Variants in TXNDC16 observed in about 807,000 individuals in gnomAD.
The protein encoded by TXNDC16 is thioredoxin domain-containing protein 16.
Under a neutral mutation model 85.6 loss-of-function variants are expected in TXNDC16, and 74 were observed. The observed-to-expected ratio is 0.86, with a 90% CI of 0.72 to 1.05. The LOEUF (loss-of-function observed/expected upper bound fraction) is 1.05. Ranked by LOEUF, TXNDC16 falls within the 50% of genes least tolerant of loss-of-function variation. The probability of loss-of-function intolerance (pLI) is 0.00; values close to 1 mark genes in which losing one functional copy is unlikely to be tolerated. For synonymous variants in TXNDC16, 335 were observed against 326.5 expected (o/e 1.03, Z -0.28); for missense variants, 959 against 947.0 (o/e 1.01, Z -0.17).
At chr14:52,434,983 G>A (rs545134144) in intron 20 of TXNDC16, among the ~76,000 whole-genome samples, 4 of 152,208 alleles carry the variant, frequency 2.6e-5, no homozygotes, top group Non-Finnish European at 5.9e-5. Context: ...TTTCCTCTGG[G>A]TAATGGTTTG....
At chr14:52,438,758 T>C (rs1213623991) in intron 20 of TXNDC16, among the ~76,000 whole-genome samples, 1 of 152,238 alleles carries the variant, frequency 6.6e-6, no homozygotes, top group Non-Finnish European at 1.5e-5. Flanking sequence ...CCTCATTTTC[T>C]ATAAAACCAC....
At chr14:52,517,526 G>T (rs866613397) in intron 7 of TXNDC16, among the ~76,000 whole-genome samples, 1 of 151,820 alleles carries the variant, frequency 6.6e-6, no homozygotes, top group East Asian at 1.9e-4. Flanking sequence ...ACCAAAAAAC[G>T]TTTATAAACT....
At chr14:52,464,614 A>AT (rs200372521) in intron 16 of TXNDC16, among the ~76,000 whole-genome samples, 5 of 150,924 alleles carry the variant, frequency 3.3e-5, no homozygotes, top group South Asian at 2.1e-4. Context: ...TTTCATAAAA[A>AT]TTTTTTTTTT....
chr14:52,478,044 A>C (rs977657178), intron 14 of TXNDC16, among the ~76,000 whole-genome samples: 1 of 152,168 alleles, frequency 6.6e-6, no homozygotes, highest in Non-Finnish European at 1.5e-5. Flanking sequence ...AACCATGCAA[A>C]TACATGGAAA....
intron 9 of TXNDC16, among the ~76,000 whole-genome samples, chr14:52,491,257 T>C (rs1436927205): frequency 2.6e-5 from 4 of 151,830 alleles, no homozygotes; most frequent in African/African-American, 7.3e-5. Context: ...TCACAGCTCA[T>C]TGTAGCCTTA....
chr14:52,546,881 G>A (rs1046726433), intron 1 of TXNDC16, among the ~76,000 whole-genome samples: 2 of 152,210 alleles, frequency 1.3e-5, no homozygotes, highest in Admixed American at 6.5e-5. Context: ...AGAGACTGGA[G>A]CTAAGCAAGT....
chr14:52,463,014 G>A (rs1473067642), intron 16 of TXNDC16: 1 of 453,906 alleles, frequency 2.2e-6, no homozygotes, highest in Non-Finnish European at 4.4e-6. Context: ...GAACACAAAA[G>A]TCCCTGCAAA....
At chr14:52,551,603 G>A (rs1396213530) in intron 1 of TXNDC16, among the ~76,000 whole-genome samples, 2 of 151,494 alleles carry the variant, frequency 1.3e-5, no homozygotes, top group Non-Finnish European at 2.9e-5. Flanking sequence ...GTATTCTAAA[G>A]AAAACAAATT....
intron 17 of TXNDC16, 72 bp downstream of exon 17, chr14:52,457,018 A>G: frequency 9.2e-7 from 1 of 1,084,416 alleles, no homozygotes; most frequent in Non-Finnish European, 1.4e-6. Context: ...CTGTGTAAAT[A>G]TAAGCAATTA....
chr14:52,520,361 A>C (rs557175581), intron 6 of TXNDC16, among the ~76,000 whole-genome samples: 5 of 152,300 alleles, frequency 3.3e-5, no homozygotes, highest in South Asian at 4.1e-4. Context: ...CAGTGGCTCA[A>C]GCCTGTAATC....
chr14:52,505,708 C>G (rs1017186581), intron 9 of TXNDC16, among the ~76,000 whole-genome samples: 2 of 152,114 alleles, frequency 1.3e-5, no homozygotes. Context: ...CAAGAAATAA[C>G]TAAGATCAGA....
At chr14:52,452,428 A>T (rs757336482) in intron 18 of TXNDC16, among the ~76,000 whole-genome samples, 32 of 152,342 alleles carry the variant, frequency 2.1e-4, no homozygotes, top group Middle Eastern at 3.4e-3. Flanking sequence ...CCTGACATCA[A>T]ATTATACTAT....
chr14:52,459,669 A>G (rs896524667), intron 16 of TXNDC16, among the ~76,000 whole-genome samples: 1 of 152,206 alleles, frequency 6.6e-6, no homozygotes, highest in Non-Finnish European at 1.5e-5. Flanking sequence ...AAAATCCTCA[A>G]CAAAGTATGC....
At chr14:52,484,843 T>C (rs1029542888) in intron 12 of TXNDC16, among the ~76,000 whole-genome samples, 1 of 151,938 alleles carries the variant, frequency 6.6e-6, no homozygotes, top group Non-Finnish European at 1.5e-5. Context: ...ATTGCACCGC[T>C]GCACTCCAGC....
intron 18 of TXNDC16, among the ~76,000 whole-genome samples, chr14:52,447,953 A>T (rs930670751): frequency 6.6e-6 from 1 of 151,958 alleles, no homozygotes; most frequent in African/African-American, 2.4e-5. Flanking sequence ...AGCAGAAGAA[A>T]GAATTACTGA....
intron 14 of TXNDC16, among the ~76,000 whole-genome samples, chr14:52,481,954 C>T (rs535082663): frequency 1.3e-5 from 2 of 152,080 alleles, no homozygotes; most frequent in African/African-American, 4.8e-5. Flanking sequence ...TGCTGAATGA[C>T]TGACTTAAAC....
At chr14:52,464,694 G>A (rs1159481802) in intron 16 of TXNDC16, among the ~76,000 whole-genome samples, 1 of 152,114 alleles carries the variant, frequency 6.6e-6, no homozygotes, top group African/African-American at 2.4e-5. Context: ...CACTTTGGGA[G>A]GCTCAGGTGG....
intron 18 of TXNDC16, among the ~76,000 whole-genome samples, chr14:52,451,277 A>C (rs1340357783): frequency 6.6e-6 from 1 of 151,784 alleles, no homozygotes; most frequent in African/African-American, 2.4e-5. Flanking sequence ...AAAAAAAAAA[A>C]CATGAATACT....
At chr14:52,489,576 G>A (rs1282764100) in intron 11 of TXNDC16, among the ~76,000 whole-genome samples, 1 of 152,200 alleles carries the variant, frequency 6.6e-6, no homozygotes, top group South Asian at 2.1e-4. Context: ...AACTTAATTT[G>A]TTCCAAATAT....
Sources: gnomAD v4.1 joint callset for allele counts (sites outside exome capture counted in the v4.1 genomes callset) on GRCh38, gnomAD v4.1.1 for gene constraint, MANE v1.5 for transcripts, NCBI Gene and HGNC (gene_info 2026-07-23, HGNC 2026-07-21) for gene names.